Variants in RALGPS1 observed in about 807,000 individuals in gnomAD.
The protein encoded by RALGPS1 is ras-specific guanine nucleotide-releasing factor RalGPS1.
Under a neutral mutation model 78.8 loss-of-function variants are expected in RALGPS1, and 19 were observed. The ratio of observed to expected loss-of-function variants is 0.24; its 90% CI spans 0.17 to 0.35. RALGPS1 has a LOEUF of 0.35. Ranked by LOEUF, RALGPS1 falls within the 10% of genes least tolerant of loss-of-function variation. The pLI, the probability that RALGPS1 is intolerant of heterozygous loss-of-function variation, is 1.00. For missense variants in RALGPS1, 454 were observed against 688.3 expected (o/e 0.66, Z 3.81); for synonymous variants, 228 against 256.3 (o/e 0.89, Z 1.06).
intron 1 of RALGPS1, among the ~76,000 whole-genome samples, chr9:126,941,407 A>G (rs1037670147): frequency 1.3e-5 from 2 of 152,222 alleles, no homozygotes; most frequent in African/African-American, 2.4e-5. Flanking sequence ...ACCTGTATCA[A>G]AATATCCCAT....
intron 18 of RALGPS1, among the ~76,000 whole-genome samples, chr9:127,215,598 T>C (rs2062533783): frequency 6.6e-6 from 1 of 152,206 alleles, no homozygotes; most frequent in South Asian, 2.1e-4. Context: ...CAGGTCTGCC[T>C]GACTCCCCCG....
chr9:126,981,291 G>A (rs2041230955), intron 4 of RALGPS1, among the ~76,000 whole-genome samples: 1 of 152,168 alleles, frequency 6.6e-6, no homozygotes, highest in South Asian at 2.1e-4. Context: ...CAGAGGGTGT[G>A]GTCAAGGACA....
chr9:127,008,252 C>T (rs943802), intron 4 of RALGPS1, among the ~76,000 whole-genome samples: 6,760 of 152,194 alleles, frequency 0.044, 478 homozygotes, highest in African/African-American at 0.15. Context: ...CCTGTACCAG[C>T]AGCATGACTG....
intron 5 of RALGPS1, among the ~76,000 whole-genome samples, chr9:127,038,593 T>C (rs2047048453): frequency 6.6e-6 from 1 of 152,232 alleles, no homozygotes; most frequent in African/African-American, 2.4e-5. Flanking sequence ...ATTTATGTAT[T>C]CAGTAGTCAT....
intron 1 of RALGPS1, among the ~76,000 whole-genome samples, chr9:126,941,679 A>G (rs2036809189): frequency 1.3e-5 from 2 of 151,942 alleles, no homozygotes; most frequent in East Asian, 1.9e-4. Flanking sequence ...TGCTTGATAT[A>G]TACTAGCTTT....
intron 1 of RALGPS1, among the ~76,000 whole-genome samples, chr9:126,961,154 G>A (rs1040230924): frequency 6.6e-6 from 1 of 152,222 alleles, no homozygotes; most frequent in Non-Finnish European, 1.5e-5. Flanking sequence ...TTCTAGAGGT[G>A]TGTGCACTTG....
At chr9:127,053,665 T>C (rs915813499) in intron 7 of RALGPS1, among the ~76,000 whole-genome samples, 1 of 152,170 alleles carries the variant, frequency 6.6e-6, no homozygotes, top group Non-Finnish European at 1.5e-5. Flanking sequence ...AAAAACTGTA[T>C]GGAATTGTCA....
intron 8 of RALGPS1, chr9:127,108,292 C>G: frequency 3.1e-6 from 5 of 1,613,948 alleles, no homozygotes; most frequent in Non-Finnish European, 4.2e-6. Context: ...GTCCCGCTTG[C>G]GGATGATCTC....
intron 8 of RALGPS1, among the ~76,000 whole-genome samples, chr9:127,130,025 G>T (rs558616837): frequency 8.5e-5 from 13 of 152,330 alleles, no homozygotes; most frequent in African/African-American, 2.6e-4. Flanking sequence ...TGTGGCAGGT[G>T]CCCACAGGAA....
At chr9:126,950,246 G>A (rs1235704770) in intron 1 of RALGPS1, among the ~76,000 whole-genome samples, 3 of 152,316 alleles carry the variant, frequency 2.0e-5, no homozygotes, top group South Asian at 2.1e-4. Context: ...GTCAGGTAGT[G>A]TGATGCCTCC....
rs777773150 is a variant in RALGPS1, at chr9:127,052,950, C to T, written c.483+11C>T. On this transcript the variant is annotated intron_variant, in intron 7 of 18. Coordinates refer to ENST00000259351, the MANE Select transcript of RALGPS1 (RefSeq NM_014636.3). ...ACAAAAACCTGGGCTGTAAGTTAAT[C>T]TCCCTAAGTCTATCTAATTTTGGCT... The T allele has an allele frequency of 3.9e-6, 6 of 1,525,784 alleles. No homozygotes were observed. The African/African-American group carries it at 8.2e-5, about 21-fold the overall frequency. The allele number at this position is 1,525,784 out of a possible 1,614,324, so 94.5% of individuals were successfully genotyped here. A position where few individuals can be genotyped will look rare whatever the true frequency, so the allele number is the denominator to read the frequency against.
rs2043335959 is a variant in RALGPS1, at chr9:127,001,829, A to G, written c.216+24084A>G. Among the ~76,000 whole-genome samples the G allele has an allele frequency of 2.0e-5, 3 of 152,246 alleles. No individual in the cohort carries two copies. The South Asian group carries it at 6.2e-4, about 31-fold the overall frequency. ...AACCTGGGAGGCGGAGGTTGCAGTGAGCCGAGATCGTGCCATTGCGCTCCA... is the reference window on the plus strand; with the variant it reads ...AACCTGGGAGGCGGAGGTTGCAGTGGGCCGAGATCGTGCCATTGCGCTCCA... On this transcript the variant is annotated intron_variant, in intron 4 of 18. Coordinates refer to ENST00000259351, the MANE Select transcript of RALGPS1 (RefSeq NM_014636.3).
intron 1 of RALGPS1, among the ~76,000 whole-genome samples, chr9:126,958,142 A>AATATATATAT (rs1554765218): frequency 2.1e-4 from 16 of 77,080 alleles, no homozygotes; most frequent in East Asian, 4.0e-4. Context: ...AAAAAAAAAA[A>AATATATATAT]ATATATATAT....
At chr9:127,039,486 G>A (rs1010235877) in intron 5 of RALGPS1, among the ~76,000 whole-genome samples, 3 of 152,160 alleles carry the variant, frequency 2.0e-5, no homozygotes, top group Non-Finnish European at 4.4e-5. Flanking sequence ...GAAGGGAGTG[G>A]CTGGAGAGTG....
chr9:127,179,115 G>T (rs537209182), intron 11 of RALGPS1, among the ~76,000 whole-genome samples: 3 of 152,254 alleles, frequency 2.0e-5, no homozygotes, highest in African/African-American at 4.8e-5. Context: ...AAGTGCTGAT[G>T]CTGGCAGTTT....
intron 8 of RALGPS1, among the ~76,000 whole-genome samples, chr9:127,150,545 G>A (rs1397962838): frequency 6.6e-6 from 1 of 152,178 alleles, no homozygotes; most frequent in Non-Finnish European, 1.5e-5. Context: ...TGTGCAGAGT[G>A]GGCATTTGTA....
chr9:127,008,906 G>C (rs1042685958), intron 4 of RALGPS1, among the ~76,000 whole-genome samples: 3 of 152,128 alleles, frequency 2.0e-5, no homozygotes, highest in African/African-American at 7.2e-5. Context: ...GCCTTCATTT[G>C]CTGTTATAAT....
Position 127,057,475 on chromosome 9 carries a change from C to G in RALGPS1, c.483+4536C>G, listed in dbSNP as rs117031778. The stretch of plus-strand genomic sequence containing the variant: ...CCTCTCCATGGGTGGCTGCTAAGTG[C>G]TAGCTGCTGGGTGAGCTGCACAGGA... On this transcript the variant is annotated intron_variant, in intron 7 of 18. Coordinates refer to ENST00000259351, the MANE Select transcript of RALGPS1 (RefSeq NM_014636.3). Among the ~76,000 whole-genome samples, 831 of 152,310 alleles carry G rather than the reference C, an allele frequency of 5.5e-3. 26 individuals carry two copies. In the East Asian group the frequency reaches 0.076, roughly 14 times the overall value.
intron 4 of RALGPS1, among the ~76,000 whole-genome samples, chr9:126,996,990 T>C (rs1023646782): frequency 6.6e-5 from 10 of 152,210 alleles, no homozygotes; most frequent in African/African-American, 2.2e-4. Flanking sequence ...CAACGCTTCA[T>C]GCTAAAAACT....
Sources: allele counts gnomAD v4.1 joint callset (sites outside exome capture counted in the v4.1 genomes callset), GRCh38; gene constraint gnomAD v4.1.1; transcripts MANE v1.5; gene names NCBI Gene and HGNC (gene_info 2026-07-23, HGNC 2026-07-21).